Variants in CFAP47 observed in about 807,000 individuals in gnomAD.
CFAP47 encodes cilia and flagella associated protein 47.
Under a neutral mutation model 148.1 loss-of-function variants are expected in CFAP47, and 29 were observed. That is an observed-to-expected ratio of 0.20 (90% confidence interval 0.15 to 0.27). The LOEUF is 0.27. Among genes scored for constraint, CFAP47 ranks in the 10% least tolerant of loss-of-function variants. The probability of loss-of-function intolerance (pLI) is 1.00; values close to 1 mark genes in which losing one functional copy is unlikely to be tolerated. For missense variants in CFAP47, 1,872 were observed against 1,697.5 expected, an observed-to-expected ratio of 1.10 and a Z score of -1.81; for synonymous variants, 664 against 577.3, an observed-to-expected ratio of 1.15 and a Z score of -2.15.
At chrX:36,374,632 T>G (rs2147002708) in intron 62 of CFAP47, among the ~76,000 whole-genome samples, 1 of 111,529 alleles carries the variant, frequency 9.0e-6, no homozygotes, top group African/African-American at 3.3e-5. Flanking sequence ...TATTTTGAGA[T>G]CTGCCTTTTT....
chrX:36,150,039 C>A (rs12014879), intron 37 of CFAP47, among the ~76,000 whole-genome samples: 10,933 of 110,710 alleles, frequency 0.099, 1,060 homozygotes, highest in African/African-American at 0.3. Flanking sequence ...AAGAACTCCC[C>A]ATGTTGCCAT....
rs191453654 is a variant in CFAP47, at chrX:36,033,971, A to G, written c.3652-1724A>G. Among the ~76,000 whole-genome samples, 4 of 111,306 alleles carry G rather than the reference A, an allele frequency of 3.6e-5. No individual in the cohort carries two copies. The East Asian group carries it at 1.1e-3, about 32-fold the overall frequency. ...ACTTTACCTAACATTACCTTACACT[A>G]CCATAGGGCATTTTTTTAAAATGAG... On this transcript the variant is annotated intron_variant, in intron 23 of 63. Coordinates refer to ENST00000378653, the MANE Select transcript of CFAP47 (RefSeq NM_001304548.2).
At chrX:35,991,725 C>G (rs1936791809) in intron 16 of CFAP47, 96 bp from the exon 17 acceptor site, 1 of 277,307 alleles carries the variant, frequency 3.6e-6, no homozygotes. Flanking sequence ...AATATATATT[C>G]AAAATTAGAA....
intron 51 of CFAP47, among the ~76,000 whole-genome samples, chrX:36,286,048 A>G (rs1941129695): frequency 1.8e-5 from 2 of 111,383 alleles, no homozygotes; most frequent in Admixed American, 1.9e-4. Context: ...TTGTGCTACT[A>G]GACTCTTTCA....
intron 33 of CFAP47, among the ~76,000 whole-genome samples, chrX:36,122,554 C>A (rs936580356): frequency 9.0e-6 from 1 of 111,123 alleles, no homozygotes; most frequent in African/African-American, 3.3e-5. Flanking sequence ...CTCAGTAATT[C>A]TTTCTTTTGC....
intron 10 of CFAP47, among the ~76,000 whole-genome samples, chrX:35,969,611 C>T (rs1016771502): frequency 8.9e-6 from 1 of 111,782 alleles, no homozygotes. Flanking sequence ...AAGGCATTTA[C>T]ACCACTACTT....
chrX:36,057,036 C>T (rs1000179809), intron 26 of CFAP47, among the ~76,000 whole-genome samples: 1 of 111,969 alleles, frequency 8.9e-6, no homozygotes, highest in African/African-American at 3.2e-5. Context: ...GAAAACTCAA[C>T]CTATGACAAT....
chrX:36,256,499 AGTT>A (rs1784530323), intron 49 of CFAP47, among the ~76,000 whole-genome samples: 1 of 111,846 alleles, frequency 8.9e-6, no homozygotes, highest in Admixed American at 9.5e-5. Flanking sequence ...AATTTGCTCC[AGTT>A]GTTCTTTAAT....
At chrX:36,220,873 T>C (rs1356132439) in intron 45 of CFAP47, among the ~76,000 whole-genome samples, 2 of 111,625 alleles carry the variant, frequency 1.8e-5, no homozygotes, top group East Asian at 5.6e-4. Flanking sequence ...AAAGTTATAC[T>C]GAAGGCAGAA....
chrX:36,237,622 G>A (rs979774885), intron 48 of CFAP47, among the ~76,000 whole-genome samples: 8 of 112,127 alleles, frequency 7.1e-5, no homozygotes, highest in South Asian at 3.6e-4. Flanking sequence ...GAGCCACTGC[G>A]CCTGGCCTAT....
intron 33 of CFAP47, among the ~76,000 whole-genome samples, chrX:36,116,544 G>C (rs146222373): frequency 4.2e-3 from 470 of 112,242 alleles, no homozygotes; most frequent in African/African-American, 0.014. Context: ...CTGATTAGCT[G>C]GTTCAGAATT....
At chrX:36,193,016 G>C (rs1939882009) in intron 42 of CFAP47, among the ~76,000 whole-genome samples, 1 of 111,567 alleles carries the variant, frequency 9.0e-6, no homozygotes, top group Non-Finnish European at 1.9e-5. Flanking sequence ...TGAAGCACCA[G>C]TTCTTAAGTA....
intron 57 of CFAP47, among the ~76,000 whole-genome samples, chrX:36,323,683 G>A (rs2146969003): frequency 9.0e-6 from 1 of 111,198 alleles, no homozygotes; most frequent in Non-Finnish European, 1.9e-5. Context: ...TTTAGTCTCT[G>A]TATTACAAAA....
At chrX:36,293,913 A>G (rs782675646) in intron 51 of CFAP47, among the ~76,000 whole-genome samples, 21 of 111,308 alleles carry the variant, frequency 1.9e-4, no homozygotes, top group Non-Finnish European at 3.6e-4. Flanking sequence ...TGGACCACAG[A>G]GGGAGGGAAG....
rs778953826 is a variant in CFAP47, at chrX:35,944,581, G to A, written c.517+3183G>A. Among the ~76,000 whole-genome samples the A allele has an allele frequency of 3.6e-5, 4 of 111,455 alleles. No individual in the cohort carries two copies. In the South Asian group the frequency reaches 1.1e-3, roughly 31 times the overall value. On this transcript the variant is annotated intron_variant, in intron 3 of 63. Transcript: ENST00000378653. ...GAATTTTAAAAAATCATAAGAAATA[G>A]CAATAGCCTGGGGTACATGACAACT...
intron 45 of CFAP47, among the ~76,000 whole-genome samples, chrX:36,221,914 A>G (rs1940217091): frequency 9.0e-6 from 1 of 111,624 alleles, no homozygotes; most frequent in African/African-American, 3.2e-5. Context: ...TGACAGATCA[A>G]GCAGACAGAA....
At chrX:36,002,795 A>G (rs143655874) in intron 21 of CFAP47, among the ~76,000 whole-genome samples, 1,863 of 111,588 alleles carry the variant, frequency 0.017, 45 homozygotes, top group African/African-American at 0.058. Flanking sequence ...ATTGTATTGA[A>G]TGCTACTAAA....
rs180695493 is a variant in CFAP47, at chrX:36,092,502, T to G, written c.4917-6291T>G. On this transcript the variant is annotated intron_variant, in intron 30 of 63. Coordinates refer to ENST00000378653, the MANE Select transcript of CFAP47 (RefSeq NM_001304548.2). Reference sequence around the variant, plus strand: ...TGTTTTGTTACCATGTAGGGATTGATGTAGCTGATTATAGGTCTAAGTAAG... The same window carrying G: ...TGTTTTGTTACCATGTAGGGATTGAGGTAGCTGATTATAGGTCTAAGTAAG... Among the ~76,000 whole-genome samples the G allele has an allele frequency of 3.0e-4, 33 of 111,699 alleles. No individual in the cohort carries two copies. The Admixed American group carries it at 3.0e-3, about 10-fold the overall frequency.
At chrX:35,972,836 A>G (rs1162511293) in intron 13 of CFAP47, among the ~76,000 whole-genome samples, 3 of 111,300 alleles carry the variant, frequency 2.7e-5, no homozygotes, top group African/African-American at 6.5e-5. Context: ...GAACATTCAC[A>G]TAAAATTCTC....
Sources: gnomAD v4.1 joint callset for allele counts (sites outside exome capture counted in the v4.1 genomes callset) on GRCh38, gnomAD v4.1.1 for gene constraint, MANE v1.5 for transcripts, NCBI Gene and HGNC (gene_info 2026-07-23, HGNC 2026-07-21) for gene names.